Variants in MBP observed in about 807,000 individuals in gnomAD.
MBP encodes the protein myelin basic protein.
Under a neutral mutation model 35.8 loss-of-function variants are expected in MBP, and 16 were observed. That is an observed-to-expected ratio of 0.45 (90% confidence interval 0.30 to 0.68). MBP has a LOEUF of 0.68. Ranked by LOEUF, MBP falls within the 30% of genes least tolerant of loss-of-function variation. MBP has a pLI of 0.08. For missense variants in MBP, 380 were observed against 404.7 expected, an observed-to-expected ratio of 0.94 and a Z score of 0.52; for synonymous variants, 143 against 159.6, an observed-to-expected ratio of 0.90 and a Z score of 0.78.
intron 3 of MBP, among the ~76,000 whole-genome samples, chr18:77,026,515 C>G (rs910143859): frequency 3.3e-5 from 5 of 152,182 alleles, no homozygotes; most frequent in African/African-American, 1.2e-4. Flanking sequence ...TCCTTCTTTT[C>G]ACTACAATTA....
Position 77,019,269 on chromosome 18 carries a change from G to A in MBP, c.140-2001C>T, listed in dbSNP as rs114844634. 4.2e-3 allele frequency among the ~76,000 whole-genome samples: 638 copies of A among 152,324 alleles called. 1 individual carries two copies. The highest frequency in any genetic ancestry group is 0.011 in the African/African-American group (462 of 41,552). ...TCCATGTCCTAACTTCTGTACCTGTGAGTGTGACCTTATTTGGAAATAGAT... is the reference window on the plus strand; with the variant it reads ...TCCATGTCCTAACTTCTGTACCTGTAAGTGTGACCTTATTTGGAAATAGAT... On this transcript the variant is annotated intron_variant, in intron 3 of 8. Coordinates refer to ENST00000355994, the MANE Select transcript of MBP (RefSeq NM_001025101.2).
At chr18:77,059,833 A>G (rs554432978) in intron 3 of MBP, among the ~76,000 whole-genome samples, 1 of 152,380 alleles carries the variant, frequency 6.6e-6, no homozygotes, top group Admixed American at 6.5e-5. Flanking sequence ...AAATGCAATA[A>G]CCAAAAGGCC....
intron 1 of MBP, chr18:77,108,404 G>A (rs1449346873): frequency 1.3e-5 from 2 of 152,222 alleles, no homozygotes; most frequent in Non-Finnish European, 2.9e-5. Context: ...AATTAAAGAA[G>A]CCTTTTGTAA....
chr18:77,016,153 G>GATT (rs1555714055), intron 4 of MBP: 1 of 777,756 alleles, frequency 1.3e-6, no homozygotes, highest in Non-Finnish European at 1.6e-6. Context: ...CCATAGCAGA[G>GATT]TTTTTTTTTT....
At position 77,086,024 on chromosome 18, in the gene MBP, A is replaced by G. The variant is rs181391629; in HGVS notation, c.51+19187T>C. Among the ~76,000 whole-genome samples, 521 of 152,226 alleles carry G rather than the reference A, an allele frequency of 3.4e-3. 2 individuals carry two copies. The highest frequency in any genetic ancestry group is 0.01 in the Middle Eastern group (3 of 294). On this transcript the variant is annotated intron_variant, in intron 2 of 8. Transcript: ENST00000355994. Reference sequence around the variant, plus strand: ...AGAGAGAGTGACAGACAGACAGACAAACAGAGAGAGAGAGAGACTGATTCT... The same window carrying G: ...AGAGAGAGTGACAGACAGACAGACAGACAGAGAGAGAGAGAGACTGATTCT...
At chr18:77,027,869 T>G (rs1226993172) in intron 3 of MBP, among the ~76,000 whole-genome samples, 1 of 152,114 alleles carries the variant, frequency 6.6e-6, no homozygotes, top group Non-Finnish European at 1.5e-5. Flanking sequence ...AATTTTTTTT[T>G]GTAAAGACAA....
chr18:77,056,820 C>G (rs1973744552), intron 3 of MBP, among the ~76,000 whole-genome samples: 2 of 152,148 alleles, frequency 1.3e-5, no homozygotes, highest in Admixed American at 1.3e-4. Context: ...ACAGGGGAAC[C>G]GAGTCCACAG....
At chr18:77,043,388 T>C (rs750139164) in intron 3 of MBP, among the ~76,000 whole-genome samples, 3 of 152,230 alleles carry the variant, frequency 2.0e-5, no homozygotes, top group Non-Finnish European at 4.4e-5. Context: ...TAAATCTCAC[T>C]GTAACATTTT....
chr18:77,032,137 C>T (rs569336005), intron 3 of MBP, among the ~76,000 whole-genome samples: 47 of 152,168 alleles, frequency 3.1e-4, no homozygotes, highest in Non-Finnish European at 5.1e-4. Flanking sequence ...TCAAGGAGGC[C>T]GAGCCCTGCA....
intron 4 of MBP, among the ~76,000 whole-genome samples, chr18:76,997,992 T>G (rs1970408833): frequency 2.6e-5 from 4 of 152,232 alleles, no homozygotes; most frequent in Admixed American, 2.6e-4. Flanking sequence ...TGAGCCACTT[T>G]TTAAAAAGTA....
chr18:77,125,206 G>A (rs1977011441), intron 1 of MBP, among the ~76,000 whole-genome samples: 1 of 152,126 alleles, frequency 6.6e-6, no homozygotes, highest in Admixed American at 6.5e-5. Context: ...CTCCACACCT[G>A]CTTTCAGATT....
At chr18:76,995,450 T>G (rs1970215567) in intron 4 of MBP, among the ~76,000 whole-genome samples, 1 of 152,164 alleles carries the variant, frequency 6.6e-6, no homozygotes, top group African/African-American at 2.4e-5. Context: ...TATGCAGCCA[T>G]GGTAACTGAA....
intron 2 of MBP, among the ~76,000 whole-genome samples, chr18:77,094,712 G>A (rs1015870468): frequency 6.6e-6 from 1 of 152,178 alleles, no homozygotes; most frequent in Non-Finnish European, 1.5e-5. Flanking sequence ...GACAAACAGA[G>A]CTAATACCTG....
intron 3 of MBP, among the ~76,000 whole-genome samples, chr18:77,058,787 C>T (rs867786115): frequency 6.6e-6 from 1 of 152,238 alleles, no homozygotes; most frequent in Non-Finnish European, 1.5e-5. Flanking sequence ...GCTCCTCGGC[C>T]GGCCGACTGC....
chr18:77,000,740 C>G (rs1970585460), intron 4 of MBP, among the ~76,000 whole-genome samples: 1 of 151,790 alleles, frequency 6.6e-6, no homozygotes, highest in Non-Finnish European at 1.5e-5. Flanking sequence ...TTTTTTTATT[C>G]CCCTGCTTTC....
intron 2 of MBP, among the ~76,000 whole-genome samples, chr18:77,066,828 T>C (rs1406211644): frequency 6.6e-6 from 1 of 152,286 alleles, no homozygotes; most frequent in Non-Finnish European, 1.5e-5. Flanking sequence ...AATGAGTCCT[T>C]TTAGGGACAG....
intron 3 of MBP, among the ~76,000 whole-genome samples, chr18:77,034,525 T>C (rs1302453320): frequency 6.6e-6 from 1 of 152,160 alleles, no homozygotes; most frequent in Non-Finnish European, 1.5e-5. Context: ...TGTTTCAAGC[T>C]GTAAAATATG....
chr18:77,066,324 G>C lies in MBP; in HGVS notation c.113C>G (p.Thr38Arg). Residue 38 changes from threonine (T) to arginine (R), a missense_variant, in exon 3 of 9, where the codon ACA becomes AGA. Physicochemically the swap from Thr to Arg is moderately conservative, Grantham distance 71 (BLOSUM62 -1). Transcript: ENST00000355994. ...KKRNLGELSR[T>R]TSEDNEVFGE... ...GAACACTTCGTTGTCCTCTGAGGTT[G>C]TCCGTGAAAGTTCACCCAGGTTTCT... 6.2e-7 allele frequency: 1 copy of C among 1,614,168 alleles called. No homozygotes were observed.
intron 4 of MBP, among the ~76,000 whole-genome samples, chr18:76,998,961 A>C (rs1171220301): frequency 6.7e-6 from 1 of 148,516 alleles, no homozygotes; most frequent in East Asian, 2.0e-4. Flanking sequence ...TTTTAAGAGC[A>C]GTGTTTTGGG....
Sources: gnomAD v4.1 joint callset for allele counts (sites outside exome capture counted in the v4.1 genomes callset) on GRCh38, gnomAD v4.1.1 for gene constraint, MANE v1.5 for transcripts, NCBI Gene and HGNC (gene_info 2026-07-23, HGNC 2026-07-21) for gene names.